Variants in TOPAZ1 observed in about 807,000 individuals in gnomAD.
TOPAZ1 encodes testis and ovary specific TOPAZ 1.
In TOPAZ1, 66 loss-of-function variants were observed where a neutral mutation model predicts 172.2. The observed-to-expected ratio is 0.38, with a 90% CI of 0.31 to 0.47. The LOEUF (loss-of-function observed/expected upper bound fraction) is 0.47. TOPAZ1 is among the 20% of genes least tolerant of loss of function. The pLI, the probability that TOPAZ1 is intolerant of heterozygous loss-of-function variation, is 0.99. For synonymous variants in TOPAZ1, 681 were observed against 683.9 expected (o/e 1.00, Z 0.07); for missense variants, 1,822 against 1,972.4 (o/e 0.92, Z 1.44).
chr3:44,267,163 C>T (rs1235002400), intron 6 of TOPAZ1, 27 bp downstream of exon 6: 2 of 1,460,168 alleles, frequency 1.4e-6, no homozygotes, highest in Non-Finnish European at 1.8e-6. Context: ...TAATGAAATC[C>T]TGTTGGCTTT....
In TOPAZ1 at chr3:44,304,089, A is replaced by G. The variant is rs1442820374; in HGVS notation, c.3864+8A>G. 2.0e-6 allele frequency: 3 copies of G among 1,468,472 alleles called. No homozygotes were observed. Among genetic ancestry groups the G allele is most frequent in the Non-Finnish European group, 2.8e-6 (3 of 1,080,272 alleles). 91.0% of individuals were successfully genotyped at this position (1,468,472 alleles called of 1,614,324 possible). A position where few individuals can be genotyped will look rare whatever the true frequency, so the allele number is the denominator to read the frequency against. On this transcript the variant is annotated splice_region_variant and intron_variant, in intron 13 of 19. Coordinates refer to ENST00000309765, the MANE Select transcript of TOPAZ1 (RefSeq NM_001145030.2). ...GCCTTGAATAAATTAGAGGTATGAC[A>G]TTTATTATTTTAAATACATTGCTGG...
At chr3:44,263,693 AAC>A (rs1337622739) in intron 5 of TOPAZ1, among the ~76,000 whole-genome samples, 4 of 152,160 alleles carry the variant, frequency 2.6e-5, no homozygotes, top group African/African-American at 7.2e-5. Flanking sequence ...TGGCGCAGAA[AAC>A]ACAAGCTGAA....
intron 8 of TOPAZ1, among the ~76,000 whole-genome samples, chr3:44,278,519 T>C (rs1314022756): frequency 3.9e-5 from 6 of 152,158 alleles, no homozygotes; most frequent in Non-Finnish European, 8.8e-5. Context: ...ATCTCATTAC[T>C]TGTTTTTGGT....
chr3:44,266,576 G>A (rs1203137766), intron 5 of TOPAZ1, among the ~76,000 whole-genome samples: 1 of 152,174 alleles, frequency 6.6e-6, no homozygotes, highest in Non-Finnish European at 1.5e-5. Flanking sequence ...AAATAGGGAA[G>A]CCTAAGGAGA....
At chr3:44,262,122 A>G (rs1293895873) in intron 4 of TOPAZ1, among the ~76,000 whole-genome samples, 1 of 152,160 alleles carries the variant, frequency 6.6e-6, no homozygotes, top group East Asian at 1.9e-4. Context: ...ATAAAAAGAA[A>G]CTCAACTTTA....
At chr3:44,293,610 C>T (rs1700163432) in intron 12 of TOPAZ1, among the ~76,000 whole-genome samples, 1 of 152,160 alleles carries the variant, frequency 6.6e-6, no homozygotes, top group African/African-American at 2.4e-5. Context: ...TGCTTTTGTA[C>T]AGATATACAG....
chr3:44,333,868 G>A (rs975098428), downstream of TOPAZ1, among the ~76,000 whole-genome samples: 4 of 152,202 alleles, frequency 2.6e-5, no homozygotes, highest in Non-Finnish European at 5.9e-5. Flanking sequence ...ATGCAGCAGG[G>A]CGCTTCAGCA....
At chr3:44,246,295 C>A (rs943640233) in intron 2 of TOPAZ1, among the ~76,000 whole-genome samples, 3 of 152,096 alleles carry the variant, frequency 2.0e-5, no homozygotes, top group Non-Finnish European at 4.4e-5. Flanking sequence ...TCATATTTTA[C>A]TTAATTTTAT....
At chr3:44,336,578 C>A (rs970249220), downstream of TOPAZ1, among the ~76,000 whole-genome samples, 20 of 152,176 alleles carry the variant, frequency 1.3e-4, no homozygotes, top group Non-Finnish European at 2.6e-4. Context: ...TGATCATAAT[C>A]CAGGAATAGA....
At chr3:44,296,886 T>C (rs1285177601) in intron 12 of TOPAZ1, among the ~76,000 whole-genome samples, 1 of 84,300 alleles carries the variant, frequency 1.2e-5, no homozygotes, top group East Asian at 2.9e-4. Flanking sequence ...GAAAAGCAAA[T>C]TACGGCCGGG....
In TOPAZ1 at chr3:44,242,098, T is replaced by C; in HGVS notation, c.45T>C (p.Pro15=). The change falls in exon 1 of 20, where the codon CCT becomes CCC. Residue 15 remains proline, a synonymous_variant. Coordinates refer to ENST00000309765, the MANE Select transcript of TOPAZ1 (RefSeq NM_001145030.2). ...TGGGCCCCACGACGGCCTCAGGGCC[T>C]GAAGGCAATGTGCGAAACCTGCAGA... is the stretch of plus-strand genomic sequence containing the variant. ...PPLGPTTASG[P]EGNVRNLQKR... is the part of the protein sequence containing the mutation. 4 of 1,547,808 alleles carry C rather than the reference T, an allele frequency of 2.6e-6. No individual in the cohort carries two copies. In the African/African-American group the frequency reaches 5.5e-5, roughly 21 times the overall value.
At chr3:44,283,139 T>C (rs1038453380) in intron 9 of TOPAZ1, among the ~76,000 whole-genome samples, 1 of 152,222 alleles carries the variant, frequency 6.6e-6, no homozygotes, top group Non-Finnish European at 1.5e-5. Flanking sequence ...AAAATACTTC[T>C]GAATTTTGCT....
intron 16 of TOPAZ1, among the ~76,000 whole-genome samples, chr3:44,310,414 G>A (rs992676451): frequency 1.3e-5 from 2 of 152,014 alleles, no homozygotes; most frequent in South Asian, 2.1e-4. Context: ...CAGGAGAATC[G>A]CTTGAACCCG....
chr3:44,244,110 A>G lies in TOPAZ1; in HGVS notation c.1604A>G (p.Gln535Arg), dbSNP rs1294884437. 1.3e-6 allele frequency: 2 copies of G among 1,551,598 alleles called. No homozygotes were observed. The highest frequency in any genetic ancestry group is 1.7e-6 in the Non-Finnish European group (2 of 1,146,976). ...AGGCAAGTTGATGTCCCTAAACACC[A>G]AACAAACCAGACCCATTTAACTGAC... is the stretch of plus-strand genomic sequence containing the variant. ...SCRQVDVPKHQTNQTHLTDSK... is the reference protein window; with the variant it reads ...SCRQVDVPKHRTNQTHLTDSK... The change falls in exon 2 of 20, where the codon CAA (glutamine) becomes CGA (arginine). Residue 535 changes from glutamine to arginine, a missense_variant. Around this residue, in one of 2 missense-constraint regions of TOPAZ1, gnomAD observed 1,489 missense variants for 1,490.8 expected, o/e 1.00. Coordinates refer to ENST00000309765, the MANE Select transcript of TOPAZ1 (RefSeq NM_001145030.2).
chr3:44,254,582 G>A (rs1045767857), intron 2 of TOPAZ1, among the ~76,000 whole-genome samples: 24 of 141,130 alleles, frequency 1.7e-4, no homozygotes, highest in Non-Finnish European at 3.1e-4. Flanking sequence ...AGCCAAGATC[G>A]CGCCATTGCA....
At chr3:44,247,053 G>A (rs1379623021) in intron 2 of TOPAZ1, among the ~76,000 whole-genome samples, 1 of 152,046 alleles carries the variant, frequency 6.6e-6, no homozygotes, top group South Asian at 2.1e-4. Context: ...AAAGAATAAT[G>A]GCTGATTTTA....
intron 4 of TOPAZ1, among the ~76,000 whole-genome samples, chr3:44,258,964 T>C (rs1419256920): frequency 1.3e-5 from 2 of 152,226 alleles, no homozygotes; most frequent in Non-Finnish European, 2.9e-5. Flanking sequence ...TTAGCTGGGC[T>C]CTTTGGAATC....
intron 18 of TOPAZ1, among the ~76,000 whole-genome samples, chr3:44,325,657 T>TC (rs1055214714): frequency 2.0e-5 from 3 of 151,766 alleles, no homozygotes; most frequent in Non-Finnish European, 4.4e-5. Flanking sequence ...TTTTTTTTTT[T>TC]CTTGGAGACG....
At chr3:44,254,456 C>T (rs540529817) in intron 2 of TOPAZ1, among the ~76,000 whole-genome samples, 89 of 151,980 alleles carry the variant, frequency 5.9e-4, no homozygotes, top group South Asian at 2.5e-3. Context: ...GGCAAAACCC[C>T]GTCTCTACTA....
Sources: gnomAD v4.1 joint callset for allele counts (sites outside exome capture counted in the v4.1 genomes callset) on GRCh38, gnomAD v4.1.1 for gene constraint, gnomAD v4.1.1 regional missense constraint, MANE v1.5 for transcripts, NCBI Gene and HGNC (gene_info 2026-07-23, HGNC 2026-07-21) for gene names.